The following NPAT variants were observed in gnomAD, a reference collection of about 807,000 sequenced individuals.
NPAT encodes the protein nuclear protein, coactivator of histone transcription.
NPAT carries 52 observed loss-of-function variants against 130.7 expected under a neutral mutation model. The ratio of observed to expected loss-of-function variants is 0.40; its 90% CI spans 0.32 to 0.50. The LOEUF is 0.50. Ranked by LOEUF, NPAT falls within the 20% of genes least tolerant of loss-of-function variation. The pLI, the probability that NPAT is intolerant of heterozygous loss-of-function variation, is 0.68. For synonymous variants in NPAT, 580 were observed against 584.8 expected (o/e 0.99, Z 0.12); for missense variants, 1,687 against 1,662.6 (o/e 1.01, Z -0.26).
At chr11:108,213,593 T>TA (rs1304329088) in intron 1 of NPAT, among the ~76,000 whole-genome samples, 2 of 152,202 alleles carry the variant, frequency 1.3e-5, no homozygotes, top group Non-Finnish European at 2.9e-5. Context: ...AATTCACCGA[T>TA]ACATTCAACA....
chr11:108,193,823 A>T (rs1293431194), intron 3 of NPAT, 134 bp downstream of exon 3: 1 of 562,362 alleles, frequency 1.8e-6, no homozygotes, highest in African/African-American at 2.0e-5. Context: ...AGAAAAATTT[A>T]TCTCATTACA....
intron 10 of NPAT, among the ~76,000 whole-genome samples, chr11:108,179,633 C>T (rs1426247219): frequency 2.6e-5 from 4 of 152,060 alleles, no homozygotes; most frequent in Non-Finnish European, 4.4e-5. Context: ...GGCTTATCCT[C>T]GTTTGAAAAG....
chr11:108,202,300 T>C (rs1284409161), intron 1 of NPAT, among the ~76,000 whole-genome samples: 2 of 151,932 alleles, frequency 1.3e-5, no homozygotes, highest in African/African-American at 2.4e-5. Context: ...AGTGAACAGA[T>C]GAAATAGCTG....
intron 10 of NPAT, among the ~76,000 whole-genome samples, chr11:108,183,480 T>C (rs978465415): frequency 6.6e-6 from 1 of 152,144 alleles, no homozygotes; most frequent in Non-Finnish European, 1.5e-5. Flanking sequence ...AAAGATGTCC[T>C]AAAATCACAA....
At position 108,186,589 on chromosome 11, in the gene NPAT, C is replaced by A. The variant is rs2078110323; in HGVS notation, c.639-20G>T. The A allele has an allele frequency of 1.9e-6, 3 of 1,587,038 alleles. No individual in the cohort carries two copies. Among genetic ancestry groups the A allele is most frequent in the Non-Finnish European group, 2.6e-6 (3 of 1,155,764 alleles). On this transcript the variant is annotated intron_variant, in intron 7 of 17. Coordinates refer to ENST00000278612, the MANE Select transcript of NPAT (RefSeq NM_002519.3). ...GATTCACTGAAACACATTTTAAAAG[C>A]TTTTCTTTTAACCACTATATTTAAC...
At chr11:108,211,077 C>G (rs891763977) in intron 1 of NPAT, among the ~76,000 whole-genome samples, 6 of 151,834 alleles carry the variant, frequency 4.0e-5, no homozygotes, top group Non-Finnish European at 7.4e-5. Context: ...AAATTAGCTG[C>G]GCCTGGTGGT....
chr11:108,182,939 G>A (rs2134852664), intron 10 of NPAT, among the ~76,000 whole-genome samples: 1 of 152,272 alleles, frequency 6.6e-6, no homozygotes, highest in Non-Finnish European at 1.5e-5. Context: ...GAAACAATAA[G>A]CAAAAAGTTG....
intron 1 of NPAT, among the ~76,000 whole-genome samples, chr11:108,216,477 A>G (rs115805581): frequency 0.013 from 1,938 of 152,096 alleles, 50 homozygotes; most frequent in African/African-American, 0.043. Context: ...TCATGACACT[A>G]AAACATTAAA....
At chr11:108,214,961 T>C (rs1314836920) in intron 1 of NPAT, among the ~76,000 whole-genome samples, 1 of 152,216 alleles carries the variant, frequency 6.6e-6, no homozygotes, top group Admixed American at 6.5e-5. Context: ...ATGTGTCGTA[T>C]GAGGTTCTAC....
intron 1 of NPAT, among the ~76,000 whole-genome samples, chr11:108,216,596 A>G (rs2078437631): frequency 6.6e-6 from 1 of 152,108 alleles, no homozygotes; most frequent in Non-Finnish European, 1.5e-5. Context: ...CAGACAGAAT[A>G]CAGTGATACA....
intron 13 of NPAT, 162 bp downstream of exon 13, chr11:108,172,037 T>A: frequency 1.6e-6 from 1 of 640,092 alleles, no homozygotes; most frequent in Non-Finnish European, 2.7e-6. Context: ...ATAAAAAAGG[T>A]TTGAATTAGC....
At chr11:108,206,077 T>C (rs2078322206) in intron 1 of NPAT, among the ~76,000 whole-genome samples, 1 of 152,050 alleles carries the variant, frequency 6.6e-6, no homozygotes, top group South Asian at 2.1e-4. Context: ...AAAAATAAAA[T>C]AGTATAAGTG....
intron 1 of NPAT, among the ~76,000 whole-genome samples, chr11:108,207,734 C>T (rs904565529): frequency 3.3e-5 from 5 of 152,192 alleles, no homozygotes; most frequent in Admixed American, 1.3e-4. Context: ...GCTTCCCTGG[C>T]CCCCGAGAGT....
intron 1 of NPAT, among the ~76,000 whole-genome samples, chr11:108,220,548 A>G (rs911320942): frequency 6.6e-6 from 1 of 152,070 alleles, no homozygotes; most frequent in Non-Finnish European, 1.5e-5. Context: ...GATTTGCTAG[A>G]AAAAAAACAT....
intron 1 of NPAT, among the ~76,000 whole-genome samples, chr11:108,214,477 A>G (rs2078414002): frequency 6.6e-6 from 1 of 152,148 alleles, no homozygotes. Context: ...TAATAGTATA[A>G]GGATTCTCTT....
At chr11:108,159,594 A>G (rs537098034) in intron 17 of NPAT, among the ~76,000 whole-genome samples, 3 of 152,306 alleles carry the variant, frequency 2.0e-5, no homozygotes, top group Admixed American at 6.5e-5. Context: ...TTCCTCTATG[A>G]TATTTTAAGC....
intron 10 of NPAT, among the ~76,000 whole-genome samples, chr11:108,180,183 C>A (rs921614688): frequency 6.6e-6 from 1 of 152,048 alleles, no homozygotes; most frequent in African/African-American, 2.4e-5. Flanking sequence ...AAAAATTAGC[C>A]AGGCATGGTG....
Position 108,184,287 on chromosome 11 carries a change from T to C in NPAT, c.906+945A>G, listed in dbSNP as rs527619380. Among the ~76,000 whole-genome samples the C allele has an allele frequency of 1.4e-3, 220 of 152,002 alleles. 1 individual carries two copies. The highest frequency in any genetic ancestry group is 2.5e-3 in the Non-Finnish European group (173 of 67,930). On this transcript the variant is annotated intron_variant, in intron 10 of 17. Coordinates refer to ENST00000278612, the MANE Select transcript of NPAT (RefSeq NM_002519.3). ...GAGAGGGAGACCATCCTGGCTAACA[T>C]GGTGAAACCCCGTCTCTACTAAAAA...
chr11:108,161,489 T>A lies in NPAT; in HGVS notation c.3597A>T (p.Lys1199Asn), dbSNP rs2134818813. 6.2e-7 allele frequency: 1 copy of A among 1,614,222 alleles called. No individual in the cohort carries two copies. The highest frequency in any genetic ancestry group is 2.2e-5 in the East Asian group (1 of 44,894). The stretch of plus-strand genomic sequence containing the variant: ...TCATTTCTTGCAGTGAAGCTATAGA[T>A]TTCTCACTTCGCAAACCCCCATTTT... The part of the protein sequence containing the change: ...GQQNGGLRSE[K>N]SIASLQEMTK... Residue 1199 changes from lysine to asparagine, a missense_variant, in exon 17 of 18, where the codon AAA becomes AAT. Lys to Asn is a moderately conservative substitution (Grantham distance 94, BLOSUM62 0). This residue lies in a region of NPAT where 1,379 missense variants were observed against 1,346.6 expected (regional missense o/e 1.02). Transcript: ENST00000278612.
Sources: allele counts gnomAD v4.1 joint callset (sites outside exome capture counted in the v4.1 genomes callset), GRCh38; gene constraint gnomAD v4.1.1; regional missense constraint gnomAD v4.1.1; transcripts MANE v1.5; gene names NCBI Gene and HGNC (gene_info 2026-07-23, HGNC 2026-07-21).